The following LRP1B variants were observed in gnomAD, a reference collection of about 807,000 sequenced individuals.
LRP1B encodes the protein LDL receptor related protein 1B, also known as low-density lipoprotein receptor-related protein 1B.
LRP1B carries 217 observed loss-of-function variants against 556.6 expected under a neutral mutation model. The ratio of observed to expected loss-of-function variants is 0.39; its 90% confidence interval spans 0.35 to 0.44. LRP1B has a LOEUF of 0.44. Ranked by LOEUF, LRP1B falls within the 20% of genes least tolerant of loss-of-function variation. The pLI, the probability that LRP1B is intolerant of heterozygous loss-of-function variation, is 1.00. For synonymous variants in LRP1B, 2,047 were observed against 1,865.8 expected (o/e 1.10, Z -2.50); for missense variants, 5,053 against 5,620.8 (o/e 0.90, Z 3.23).
At chr2:141,170,524 A>T (rs1461465487) in intron 7 of LRP1B, among the ~76,000 whole-genome samples, 1 of 152,104 alleles carries the variant, frequency 6.6e-6, no homozygotes, top group East Asian at 1.9e-4. Flanking sequence ...GCTGTTTTGT[A>T]TTAAAAATTG....
intron 1 of LRP1B, among the ~76,000 whole-genome samples, chr2:142,022,401 G>A (rs150370674): frequency 6.6e-6 from 1 of 151,212 alleles, no homozygotes; most frequent in Non-Finnish European, 1.5e-5. Flanking sequence ...ATTATTATTT[G>A]TTTTGTTTTA....
chr2:140,600,793 T>TTTA lies in LRP1B; in HGVS notation c.6989+656_6989+657insTAA, dbSNP rs1397495521. 5.4e-4 allele frequency among the ~76,000 whole-genome samples: 69 copies of TTTA among 128,496 alleles called. 2 individuals are homozygous for TTTA. Among genetic ancestry groups the TTTA allele is most frequent in the African/African-American group, 1.5e-3 (55 of 37,730 alleles). The allele number at this position is 128,496 out of a possible 152,430, so 84.3% of individuals were successfully genotyped here. Reference sequence around the variant, plus strand: ...TTTTTTTTTTTTTTTTTTTTTTTTTTACATAACTGCTTTCTTTAAGACATC... The same window carrying TTTA: ...TTTTTTTTTTTTTTTTTTTTTTTTTTTTAACATAACTGCTTTCTTTAAGACATC... On this transcript the variant is annotated intron_variant, in intron 42 of 90. Transcript: ENST00000389484.
chr2:142,093,248 A>G (rs1706236552), intron 1 of LRP1B, among the ~76,000 whole-genome samples: 1 of 152,090 alleles, frequency 6.6e-6, no homozygotes, highest in Non-Finnish European at 1.5e-5. Context: ...TCCTGAGAAC[A>G]AGGCCAATTT....
At chr2:141,899,426 C>T (rs377196122) in intron 1 of LRP1B, among the ~76,000 whole-genome samples, 1 of 152,220 alleles carries the variant, frequency 6.6e-6, no homozygotes, top group African/African-American at 2.4e-5. Context: ...GAATCATACA[C>T]CTGTCTCTTT....
intron 57 of LRP1B, 150 bp downstream of exon 57, chr2:140,492,458 C>G: frequency 1.8e-6 from 1 of 569,978 alleles, no homozygotes; most frequent in Non-Finnish European, 3.1e-6. Context: ...TGGAGCAGAA[C>G]AGATACAAAC....
At chr2:141,031,311 A>G (rs1391867230) in intron 11 of LRP1B, among the ~76,000 whole-genome samples, 2 of 151,326 alleles carry the variant, frequency 1.3e-5, no homozygotes, top group Non-Finnish European at 3.0e-5. Flanking sequence ...AGAGAGAGAG[A>G]GAGGAAATAA....
chr2:141,222,246 G>A (rs1026370606), intron 6 of LRP1B, among the ~76,000 whole-genome samples: 8 of 152,158 alleles, frequency 5.3e-5, no homozygotes, highest in African/African-American at 1.9e-4. Flanking sequence ...AACCATCAGT[G>A]AATACTATCA....
chr2:141,464,584 G>GTATATATA (rs1236041290), intron 3 of LRP1B, among the ~76,000 whole-genome samples: 6 of 88,422 alleles, frequency 6.8e-5, no homozygotes, highest in East Asian at 4.0e-4. Context: ...GGCTAATTTT[G>GTATATATA]TATATATATA....
chr2:141,115,458 G>T (rs114104883), intron 7 of LRP1B, among the ~76,000 whole-genome samples: 2,374 of 120,280 alleles, frequency 0.02, 49 homozygotes, highest in African/African-American at 0.046. Context: ...TTTTGTTTTT[G>T]TTTTTTTTTT....
At position 140,274,596 on chromosome 2, in the gene LRP1B, C is replaced by T. The variant is rs758802987; in HGVS notation, c.12970G>A (p.Val4324Met). ...EYTGDRCQYY[V>M]CHHYCVNSES... The stretch of plus-strand genomic sequence containing the variant: ...GAATTCACACAATAGTGGTGGCACA[C>T]GTCTAGGAAAAAAAGGCACAACAGA... The change falls in exon 85 of 91, where the codon GTG becomes ATG. Residue 4324 changes from valine (V) to methionine (M), a missense_variant and splice_region_variant. Coordinates refer to ENST00000389484, the MANE Select transcript of LRP1B (RefSeq NM_018557.3). 29 of 1,604,314 alleles carry T rather than the reference C, an allele frequency of 1.8e-5. No individual in the cohort carries two copies. In the East Asian group the frequency reaches 2.2e-4, roughly 12 times the overall value.
At chr2:140,346,992 TA>T (rs1314721547) in intron 77 of LRP1B, among the ~76,000 whole-genome samples, 9 of 151,980 alleles carry the variant, frequency 5.9e-5, no homozygotes, top group African/African-American at 1.9e-4. Context: ...GTAGATCAGA[TA>T]AATCTGAGCA....
chr2:141,564,017 A>T (rs1383702681), intron 2 of LRP1B, among the ~76,000 whole-genome samples: 2 of 152,104 alleles, frequency 1.3e-5, no homozygotes, highest in Non-Finnish European at 2.9e-5. Context: ...AATCTACAAT[A>T]AAAGTTGAAA....
chr2:141,945,963 TA>T (rs1390632724), intron 1 of LRP1B, among the ~76,000 whole-genome samples: 2 of 134,180 alleles, frequency 1.5e-5, no homozygotes, highest in Non-Finnish European at 3.3e-5. Flanking sequence ...TTTATTTATT[TA>T]TTTTTATCTA....
intron 11 of LRP1B, among the ~76,000 whole-genome samples, chr2:141,046,188 A>G (rs537363532): frequency 6.6e-6 from 1 of 152,278 alleles, no homozygotes; most frequent in South Asian, 2.1e-4. Flanking sequence ...ATGTTTATTT[A>G]CAAACAGCAA....
intron 3 of LRP1B, among the ~76,000 whole-genome samples, chr2:141,408,338 G>C (rs758951527): frequency 1.3e-5 from 2 of 151,746 alleles, no homozygotes; most frequent in South Asian, 2.1e-4. Context: ...TAGAGATGGC[G>C]TTTCACCATG....
intron 2 of LRP1B, among the ~76,000 whole-genome samples, chr2:141,658,952 G>A (rs1690113071): frequency 1.3e-5 from 2 of 152,080 alleles, no homozygotes. Flanking sequence ...TGCTCAGGCT[G>A]GAATGCAGCT....
chr2:141,420,834 G>A (rs1379076115), intron 3 of LRP1B, among the ~76,000 whole-genome samples: 1 of 152,146 alleles, frequency 6.6e-6, no homozygotes, highest in Non-Finnish European at 1.5e-5. Context: ...TTTCATCAGT[G>A]CTCATGGGGT....
At chr2:140,889,002 TACAA>T (rs1693723826) in intron 23 of LRP1B, among the ~76,000 whole-genome samples, 1 of 150,738 alleles carries the variant, frequency 6.6e-6, no homozygotes, top group Non-Finnish European at 1.5e-5. Context: ...ATATAAGCAT[TACAA>T]ACATTGATTT....
At chr2:140,234,652 T>C in intron 90 of LRP1B, 134 bp downstream of exon 90, 1 of 585,358 alleles carries the variant, frequency 1.7e-6, no homozygotes, top group Non-Finnish European at 3.1e-6. Context: ...AAGCCCCCAA[T>C]TTAAATGCTA....
Sources: gnomAD v4.1 joint callset for allele counts (sites outside exome capture counted in the v4.1 genomes callset) on GRCh38, gnomAD v4.1.1 for gene constraint, MANE v1.5 for transcripts, NCBI Gene and HGNC (gene_info 2026-07-23, HGNC 2026-07-21) for gene names.